The following CACHD1 variants were observed in gnomAD, a reference collection of about 807,000 sequenced individuals.
CACHD1 encodes VWFA and cache domain-containing protein 1.
Under a neutral mutation model 138.7 loss-of-function variants are expected in CACHD1, and 71 were observed. The observed-to-expected ratio is 0.51, with a 90% CI of 0.42 to 0.62. The LOEUF is 0.62. CACHD1 is among the 20% of genes least tolerant of loss of function. The probability of loss-of-function intolerance (pLI) is 0.00; values close to 1 mark genes in which losing one functional copy is unlikely to be tolerated. For missense variants in CACHD1, 1,389 were observed against 1,625.3 expected, an observed-to-expected ratio of 0.85 and a Z score of 2.50; for synonymous variants, 578 against 591.5, an observed-to-expected ratio of 0.98 and a Z score of 0.33.
chr1:64,472,021 T>G, intron 1 of CACHD1, among the ~76,000 whole-genome samples: 1 of 152,150 alleles, frequency 6.6e-6, no homozygotes, highest in East Asian at 1.9e-4. Context: ...TCTTACACAT[T>G]CTAACAATCA....
At chr1:64,580,248 G>A (rs1283109687) in intron 2 of CACHD1, among the ~76,000 whole-genome samples, 1 of 152,070 alleles carries the variant, frequency 6.6e-6, no homozygotes, top group Non-Finnish European at 1.5e-5. Context: ...TCCCTGATAA[G>A]TTATCATTTT....
intron 8 of CACHD1, among the ~76,000 whole-genome samples, chr1:64,643,762 C>T (rs1277921566): frequency 1.3e-5 from 2 of 152,148 alleles, no homozygotes; most frequent in South Asian, 4.2e-4. Context: ...GGCTAGAACC[C>T]GGGAGGCGGA....
At chr1:64,568,284 G>A (rs966773542) in intron 2 of CACHD1, among the ~76,000 whole-genome samples, 8 of 152,046 alleles carry the variant, frequency 5.3e-5, no homozygotes, top group African/African-American at 1.9e-4. Context: ...ACATTGTTAC[G>A]CTTTCTCCCT....
At chr1:64,527,005 C>T (rs1432662022) in intron 1 of CACHD1, among the ~76,000 whole-genome samples, 2 of 152,202 alleles carry the variant, frequency 1.3e-5, no homozygotes, top group African/African-American at 2.4e-5. Flanking sequence ...TGATCTGTAG[C>T]GAGCAGTTCG....
intron 23 of CACHD1, 72 bp downstream of exon 23, chr1:64,678,382 T>A: frequency 7.2e-7 from 1 of 1,392,446 alleles, no homozygotes; most frequent in Non-Finnish European, 9.5e-7. Context: ...TAGGACATCT[T>A]AAAATAATCC....
At chr1:64,592,849 G>A (rs1222694503) in intron 3 of CACHD1, among the ~76,000 whole-genome samples, 1 of 152,086 alleles carries the variant, frequency 6.6e-6, no homozygotes, top group Non-Finnish European at 1.5e-5. Flanking sequence ...ACACCTTAAG[G>A]TACAAAGGTA....
In CACHD1 at chr1:64,675,573, A is replaced by T. The variant is rs1310672398; in HGVS notation, c.2888+12A>T. 1 of 1,604,362 alleles carries T rather than the reference A, an allele frequency of 6.2e-7. No individual in the cohort carries two copies. Among genetic ancestry groups the T allele is most frequent in the Non-Finnish European group, 8.5e-7 (1 of 1,171,830 alleles). ...CTCAACTGTCACCGGTAAAAATGCAATGGGTCATATTCTGTGTTCACCACA... is the reference window on the plus strand; with the variant it reads ...CTCAACTGTCACCGGTAAAAATGCATTGGGTCATATTCTGTGTTCACCACA... On this transcript the variant is annotated intron_variant, in intron 20 of 26. Coordinates refer to ENST00000651257, the MANE Select transcript of CACHD1 (RefSeq NM_020925.4).
intron 1 of CACHD1, among the ~76,000 whole-genome samples, chr1:64,542,022 A>C (rs1436079414): frequency 6.6e-6 from 1 of 152,172 alleles, no homozygotes; most frequent in Admixed American, 6.5e-5. Flanking sequence ...TATAGTCTTA[A>C]AGGATTAACT....
chr1:64,628,189 T>C (rs2100631564), intron 4 of CACHD1, among the ~76,000 whole-genome samples: 1 of 152,350 alleles, frequency 6.6e-6, no homozygotes, highest in East Asian at 1.9e-4. Flanking sequence ...AAACAGATCC[T>C]TATTTGATCA....
At chr1:64,615,644 A>G (rs1217789581) in intron 4 of CACHD1, among the ~76,000 whole-genome samples, 1 of 152,216 alleles carries the variant, frequency 6.6e-6, no homozygotes, top group Non-Finnish European at 1.5e-5. Context: ...CCTCTTCTGT[A>G]TAATGGAATA....
At chr1:64,542,504 G>T (rs1480905393) in intron 1 of CACHD1, among the ~76,000 whole-genome samples, 1 of 152,156 alleles carries the variant, frequency 6.6e-6, no homozygotes, top group Non-Finnish European at 1.5e-5. Flanking sequence ...AGCTCTTGAG[G>T]TGGTGTAGAG....
chr1:64,578,502 C>T (rs572669958), intron 2 of CACHD1, among the ~76,000 whole-genome samples: 3 of 152,324 alleles, frequency 2.0e-5, no homozygotes, highest in African/African-American at 7.2e-5. Context: ...GCATAACAAA[C>T]CACCCAAAAC....
rs34162933 is a variant in CACHD1 at position 64,597,524 on chromosome 1, G to GTTT, written c.411-5258_411-5256dup. On this transcript the variant is annotated intron_variant, in intron 3 of 26. Transcript: ENST00000651257. ...TCCAGAAGGAAGTTTTTTTTTTGTT[G>GTTT]TTTTTTTTTTTTTTTTTTTTTTTTT... is the stretch of plus-strand genomic sequence containing the variant. Among the ~76,000 whole-genome samples, 464 of 80,372 alleles carry GTTT rather than the reference G, an allele frequency of 5.8e-3. 28 individuals are homozygous for GTTT. The highest frequency in any genetic ancestry group is 0.021 in the African/African-American group (434 of 21,134). The allele number at this position is 80,372 out of a possible 152,430, so 52.7% of individuals were successfully genotyped here. A position where few individuals can be genotyped will look rare whatever the true frequency, so the allele number is the denominator to read the frequency against.
At chr1:64,535,978 C>G (rs192341252) in intron 1 of CACHD1, among the ~76,000 whole-genome samples, 1 of 152,158 alleles carries the variant, frequency 6.6e-6, no homozygotes, top group Admixed American at 6.5e-5. Context: ...TGCTCCCCAT[C>G]GTATTCCTCA....
chr1:64,582,124 T>TTC, intron 2 of CACHD1, 32 bp from the exon 3 acceptor site: 1 of 1,610,110 alleles, frequency 6.2e-7, no homozygotes, highest in Non-Finnish European at 8.5e-7. Flanking sequence ...GTCTTGGACT[T>TTC]TCGATTTATT....
Position 64,479,020 on chromosome 1 carries a change from C to T in CACHD1, c.198+8078C>T, listed in dbSNP as rs537782511. Among the ~76,000 whole-genome samples, 5 of 150,414 alleles carry T rather than the reference C, an allele frequency of 3.3e-5. No individual in the cohort carries two copies. The South Asian group carries it at 8.5e-4, about 26-fold the overall frequency. On this transcript the variant is annotated intron_variant, in intron 1 of 26. Transcript: ENST00000651257. ...AACACACTATGTGGGCCAAACCAAA[C>T]ATGTCTGCAGGCTGGATAGGGCCAA...
intron 3 of CACHD1, among the ~76,000 whole-genome samples, chr1:64,592,693 CT>C (rs1477706635): frequency 6.6e-6 from 1 of 152,126 alleles, no homozygotes; most frequent in Non-Finnish European, 1.5e-5. Context: ...ACAAATTTCT[CT>C]CGGTAAGCAG....
chr1:64,597,162 C>T (rs1291675397), intron 3 of CACHD1, among the ~76,000 whole-genome samples: 1 of 152,124 alleles, frequency 6.6e-6, no homozygotes, highest in African/African-American at 2.4e-5. Flanking sequence ...AGTTGATTTA[C>T]ACTGTGAATC....
intron 5 of CACHD1, among the ~76,000 whole-genome samples, chr1:64,632,002 G>T (rs1039952309): frequency 6.6e-6 from 1 of 152,000 alleles, no homozygotes; most frequent in Non-Finnish European, 1.5e-5. Flanking sequence ...CGGGTTATAG[G>T]CTGCCTCACT....
Sources: allele counts gnomAD v4.1 joint callset (sites outside exome capture counted in the v4.1 genomes callset), GRCh38; gene constraint gnomAD v4.1.1; transcripts MANE v1.5; gene names NCBI Gene and HGNC (gene_info 2026-07-23, HGNC 2026-07-21).